The following CSMD1 variants were observed in gnomAD, a reference collection of about 807,000 sequenced individuals.
CSMD1 encodes the protein CUB and Sushi multiple domains 1, also known as CUB and sushi domain-containing protein 1.
A neutral mutation model predicts 417.5 loss-of-function variants in CSMD1; 213 were observed. That is an observed-to-expected ratio of 0.51 (90% confidence interval 0.46 to 0.57). The LOEUF (loss-of-function observed/expected upper bound fraction) is 0.57. CSMD1 is among the 20% of genes least tolerant of loss of function. CSMD1 has a pLI of 0.00. For synonymous variants in CSMD1, 2,862 were observed against 1,736.8 expected (o/e 1.65, Z -16.11); for missense variants, 6,923 against 4,529.7 (o/e 1.53, Z -15.17).
chr8:4,313,291 G>T (rs979750624), intron 3 of CSMD1, among the ~76,000 whole-genome samples: 1 of 152,206 alleles, frequency 6.6e-6, no homozygotes, highest in Non-Finnish European at 1.5e-5. Flanking sequence ...AGAATGCGAA[G>T]AATCTGGTTA....
chr8:3,496,596 G>A (rs1368012291), intron 10 of CSMD1, among the ~76,000 whole-genome samples: 2 of 152,162 alleles, frequency 1.3e-5, no homozygotes, highest in African/African-American at 4.8e-5. Flanking sequence ...GGGAGGCCGA[G>A]GAGGGTGGGT....
chr8:3,382,285 C>G (rs112286432), intron 18 of CSMD1, among the ~76,000 whole-genome samples: 3,398 of 149,624 alleles, frequency 0.023, 131 homozygotes, highest in African/African-American at 0.079. Flanking sequence ...CTAGTCAGCA[C>G]TGGAATATTT....
chr8:4,406,987 T>G (rs947345928), intron 3 of CSMD1, among the ~76,000 whole-genome samples: 4 of 152,180 alleles, frequency 2.6e-5, no homozygotes, highest in Admixed American at 2.6e-4. Context: ...ATGTTCTAGC[T>G]TTAGGGTTGG....
At chr8:4,718,849 C>A (rs1218248628) in intron 1 of CSMD1, among the ~76,000 whole-genome samples, 6 of 151,738 alleles carry the variant, frequency 4.0e-5, no homozygotes, top group South Asian at 4.2e-4. Flanking sequence ...ATAATACTCC[C>A]TAAAAAGTAC....
intron 5 of CSMD1, among the ~76,000 whole-genome samples, chr8:3,836,770 C>G (rs531767141): frequency 2.0e-5 from 3 of 152,180 alleles, no homozygotes; most frequent in Non-Finnish European, 4.4e-5. Flanking sequence ...TATTTTCTCA[C>G]TGCACAATCT....
chr8:4,034,580 G>A (rs1307798398), intron 3 of CSMD1, among the ~76,000 whole-genome samples: 1 of 152,090 alleles, frequency 6.6e-6, no homozygotes, highest in East Asian at 1.9e-4. Context: ...TTCAACTTTT[G>A]ACTCAGAATG....
rs574889638 is a variant in CSMD1, at chr8:3,433,498, G to C, written c.1562-23893C>G. Among the ~76,000 whole-genome samples the C allele has an allele frequency of 2.0e-5, 3 of 152,136 alleles. No homozygotes were observed. The South Asian group carries it at 6.2e-4, about 32-fold the overall frequency. ...TGTGGTGTGGGCGGATTGCTTCTTG[G>C]TTCATTTTTCAAGATCTCCTTATTA... is the stretch of plus-strand genomic sequence containing the variant. On this transcript the variant is annotated intron_variant, in intron 12 of 69. Transcript: ENST00000635120.
At chr8:4,273,056 T>C (rs557704542) in intron 3 of CSMD1, among the ~76,000 whole-genome samples, 25 of 152,158 alleles carry the variant, frequency 1.6e-4, no homozygotes, top group Non-Finnish European at 3.1e-4. Flanking sequence ...GATCATTATG[T>C]TGCCATCATT....
At chr8:3,421,627 A>C (rs984977069) in intron 12 of CSMD1, among the ~76,000 whole-genome samples, 4 of 152,174 alleles carry the variant, frequency 2.6e-5, no homozygotes, top group African/African-American at 9.6e-5. Context: ...CTAAATTATA[A>C]ATTCTACAGA....
intron 23 of CSMD1, among the ~76,000 whole-genome samples, chr8:3,334,398 G>C (rs1807109584): frequency 6.6e-6 from 1 of 152,172 alleles, no homozygotes; most frequent in Non-Finnish European, 1.5e-5. Flanking sequence ...GGTCCTGAGA[G>C]TGTATTCCTG....
chr8:4,793,824 C>G (rs964631712), intron 1 of CSMD1, among the ~76,000 whole-genome samples: 1 of 108,946 alleles, frequency 9.2e-6, no homozygotes, highest in Non-Finnish European at 2.0e-5. Flanking sequence ...CAGGCCACAA[C>G]CCCAGAATAG....
chr8:3,608,931 G>T (rs1310897611), intron 8 of CSMD1, among the ~76,000 whole-genome samples: 1 of 152,074 alleles, frequency 6.6e-6, no homozygotes, highest in African/African-American at 2.4e-5. Context: ...GCAGGGCTTG[G>T]AATGCTGAGC....
chr8:3,625,355 C>A (rs544793477), intron 7 of CSMD1, among the ~76,000 whole-genome samples: 2 of 152,218 alleles, frequency 1.3e-5, no homozygotes, highest in East Asian at 3.9e-4. Flanking sequence ...AGCTTCCAAC[C>A]CTGAGTGAGA....
intron 25 of CSMD1, among the ~76,000 whole-genome samples, chr8:3,284,988 C>G (rs1803040161): frequency 6.6e-6 from 1 of 152,120 alleles, no homozygotes; most frequent in Admixed American, 6.6e-5. Context: ...TTCAGAGTGA[C>G]TTAAAAATCT....
rs1013681150 is a variant in CSMD1, at chr8:4,962,866, G to C, written c.85+31466C>G. 2.0e-5 allele frequency among the ~76,000 whole-genome samples: 3 copies of C among 152,284 alleles called. No homozygotes were observed. In the East Asian group the frequency reaches 5.8e-4, roughly 29 times the overall value. ...TTGTGCTTGGTGTCCTAAATGCAGA[G>C]GCACTGCCACTTAATTCCTGTAAAA... On this transcript the variant is annotated intron_variant, in intron 1 of 69. Transcript: ENST00000635120.
In CSMD1 at chr8:4,260,768, T is replaced by C. The variant is rs115026485; in HGVS notation, c.415+159185A>G. ...TTTAAACAATTTAGGCTAAGTTATA[T>C]AGGACATACAACTTGAGCACTGTCA... On this transcript the variant is annotated intron_variant, in intron 3 of 69. Coordinates refer to ENST00000635120, the MANE Select transcript of CSMD1 (RefSeq NM_033225.6). Among the ~76,000 whole-genome samples the C allele has an allele frequency of 4.0e-3, 611 of 152,326 alleles. 3 individuals carry two copies. The highest frequency in any genetic ancestry group is 0.014 in the African/African-American group (575 of 41,576).
chr8:3,775,026 G>A (rs1383651748), intron 5 of CSMD1, among the ~76,000 whole-genome samples: 1 of 152,044 alleles, frequency 6.6e-6, no homozygotes, highest in African/African-American at 2.4e-5. Flanking sequence ...GGATACAGGA[G>A]ATTTCATCAT....
chr8:4,174,273 G>T (rs376089738), intron 3 of CSMD1, among the ~76,000 whole-genome samples: 1 of 152,154 alleles, frequency 6.6e-6, no homozygotes, highest in African/African-American at 2.4e-5. Flanking sequence ...AGCAAGAATA[G>T]AGGCTAAGTA....
chr8:3,664,471 G>T (rs999876621), intron 7 of CSMD1, among the ~76,000 whole-genome samples: 1 of 152,212 alleles, frequency 6.6e-6, no homozygotes, highest in Non-Finnish European at 1.5e-5. Flanking sequence ...AGCATAGGCA[G>T]CTCAATGTTA....
Sources: gnomAD v4.1 joint callset for allele counts (sites outside exome capture counted in the v4.1 genomes callset) on GRCh38, gnomAD v4.1.1 for gene constraint, MANE v1.5 for transcripts, NCBI Gene and HGNC (gene_info 2026-07-23, HGNC 2026-07-21) for gene names.